Variants in SLC39A10 observed in about 807,000 individuals in gnomAD.
SLC39A10 encodes the protein solute carrier family 39 member 10.
In SLC39A10, 13 loss-of-function variants were observed where a neutral mutation model predicts 65.1. That is an observed-to-expected ratio of 0.20 (90% CI 0.13 to 0.32). SLC39A10 has a LOEUF of 0.32. SLC39A10 is among the 10% of genes least tolerant of loss of function. The pLI, the probability that SLC39A10 is intolerant of heterozygous loss-of-function variation, is 1.00. For missense variants in SLC39A10, 831 were observed against 1,018.4 expected (o/e 0.82, Z 2.50); for synonymous variants, 321 against 342.2 (o/e 0.94, Z 0.68).
intron 2 of SLC39A10, among the ~76,000 whole-genome samples, chr2:195,682,681 A>T (rs10931706): frequency 6.6e-6 from 1 of 151,594 alleles, no homozygotes; most frequent in Non-Finnish European, 1.5e-5. Context: ...TTTGTATCAC[A>T]TCCGTGAGGT....
chr2:195,653,240 C>G (rs1024281500), upstream of SLC39A10, among the ~76,000 whole-genome samples: 1 of 151,740 alleles, frequency 6.6e-6, no homozygotes, highest in East Asian at 1.9e-4. Context: ...CAAAAAGTCT[C>G]TTTCATCAGT....
rs534625422 is a variant in SLC39A10 at position 195,671,043 on chromosome 2, C to CA, written c.-11-8988dup. Reference sequence around the variant, plus strand: ...CCAGCACCCAGGTAAGGAAATAGGACATTAATAGGAACCCAGAATTCCTCT... The same window carrying CA: ...CCAGCACCCAGGTAAGGAAATAGGACAATTAATAGGAACCCAGAATTCCTCT... On this transcript the variant is annotated intron_variant, in intron 1 of 9. Coordinates refer to ENST00000359634, the MANE Select transcript of SLC39A10 (RefSeq NM_020342.3). Among the ~76,000 whole-genome samples the CA allele has an allele frequency of 3.4e-3, 513 of 152,272 alleles. 2 individuals are homozygous for CA. Among genetic ancestry groups the CA allele is most frequent in the Non-Finnish European group, 4.8e-3 (328 of 68,020 alleles).
At chr2:195,675,255 C>T (rs1360854526) in intron 1 of SLC39A10, among the ~76,000 whole-genome samples, 2 of 152,054 alleles carry the variant, frequency 1.3e-5, no homozygotes, top group Non-Finnish European at 2.9e-5. Flanking sequence ...TATGATTATG[C>T]AAGGTTATCT....
chr2:195,632,537 A>G (rs922121496), intron 2 of SLC39A10, among the ~76,000 whole-genome samples: 8 of 151,376 alleles, frequency 5.3e-5, no homozygotes, highest in African/African-American at 1.9e-4. Flanking sequence ...CAAACTCCTG[A>G]CCTAAGGTGA....
At chr2:195,635,983 C>T (rs1688689597) in intron 2 of SLC39A10, among the ~76,000 whole-genome samples, 1 of 152,040 alleles carries the variant, frequency 6.6e-6, no homozygotes. Context: ...TTAAAAGATC[C>T]ATTCAAAATG....
intron 1 of SLC39A10, among the ~76,000 whole-genome samples, chr2:195,678,515 A>G (rs898982997): frequency 2.0e-5 from 3 of 148,934 alleles, no homozygotes; most frequent in African/African-American, 7.3e-5. Flanking sequence ...TTTTGAGTAT[A>G]CATTGTGGTA....
At chr2:195,626,100 G>C (rs1426696761) in intron 2 of SLC39A10, among the ~76,000 whole-genome samples, 1 of 152,132 alleles carries the variant, frequency 6.6e-6, no homozygotes, top group Non-Finnish European at 1.5e-5. Flanking sequence ...ATTTTTACAA[G>C]CAAAGAGAAG....
At chr2:195,667,340 C>T (rs544112107) in intron 1 of SLC39A10, among the ~76,000 whole-genome samples, 1 of 152,150 alleles carries the variant, frequency 6.6e-6, no homozygotes, top group African/African-American at 2.4e-5. Context: ...TTTGTGGTCC[C>T]TGCTGAGAAC....
At chr2:195,697,852 A>G (rs1691027811) in intron 3 of SLC39A10, among the ~76,000 whole-genome samples, 1 of 152,198 alleles carries the variant, frequency 6.6e-6, no homozygotes, top group Non-Finnish European at 1.5e-5. Context: ...AGAGAAATGC[A>G]AATCAAAACC....
At chr2:195,717,048 T>C in intron 7 of SLC39A10, 43 bp downstream of exon 7, 1 of 1,563,374 alleles carries the variant, frequency 6.4e-7, no homozygotes, top group South Asian at 1.2e-5. Context: ...TCTTATGGAC[T>C]ATAATATGTA....
At chr2:195,683,533 T>A (rs1690411442) in intron 2 of SLC39A10, among the ~76,000 whole-genome samples, 166 bp from the exon 3 acceptor site, 1 of 152,098 alleles carries the variant, frequency 6.6e-6, no homozygotes, top group Admixed American at 6.5e-5. Flanking sequence ...GTTGAGTGTA[T>A]CCCTATTACA....
Position 195,645,071 on chromosome 2 carries a change from G to A in SLC39A10, c.-11-34961G>A, listed in dbSNP as rs530687535. ...ATTACAGGCATGTGCCACCACGCCC[G>A]GCTAATTTTGTATTTTTAGTAGAGA... On this transcript the variant is annotated intron_variant, in intron 2 of 2. Transcript: ENST00000458054. Among the ~76,000 whole-genome samples the A allele has an allele frequency of 1.3e-4, 19 of 151,930 alleles. No homozygotes were observed. The South Asian group carries it at 2.1e-3, about 17-fold the overall frequency.
intron 2 of SLC39A10, among the ~76,000 whole-genome samples, chr2:195,648,950 A>G (rs1306604681): frequency 6.6e-6 from 1 of 152,212 alleles, no homozygotes. Flanking sequence ...ATAAATGCTT[A>G]GAGAAAGCAA....
At chr2:195,617,991 G>A (rs1475889360) in intron 2 of SLC39A10, among the ~76,000 whole-genome samples, 49 of 150,554 alleles carry the variant, frequency 3.3e-4, no homozygotes, top group African/African-American at 1.2e-3. Context: ...CGCCCACCTT[G>A]GCCTCCCAAA....
rs531565147 is a variant in SLC39A10, at chr2:195,621,364, A to G, written c.-12+15131A>G. ...AAAGTACATGTTGAAAAATCAGCTGAATGTCCTTAAGTGCATATTTAGAAT... is the reference window on the plus strand; with the variant it reads ...AAAGTACATGTTGAAAAATCAGCTGGATGTCCTTAAGTGCATATTTAGAAT... On this transcript the variant is annotated intron_variant, in intron 2 of 2. Transcript: ENST00000458054. Among the ~76,000 whole-genome samples, 22 of 152,350 alleles carry G rather than the reference A, an allele frequency of 1.4e-4. No homozygotes were observed. In the East Asian group the frequency reaches 4.2e-3, roughly 29 times the overall value.
chr2:195,620,387 A>T (rs936882579), intron 2 of SLC39A10, among the ~76,000 whole-genome samples: 2 of 152,234 alleles, frequency 1.3e-5, no homozygotes, highest in East Asian at 1.9e-4. Context: ...AAATGAAGGC[A>T]TTGTAGAAAT....
At chr2:195,644,236 C>G (rs1688864994) in intron 2 of SLC39A10, among the ~76,000 whole-genome samples, 1 of 151,470 alleles carries the variant, frequency 6.6e-6, no homozygotes. Flanking sequence ...GTGGCTCACG[C>G]CTGTGATCCC....
rs182733714 is a variant in SLC39A10, at chr2:195,631,760, T to C, written c.-12+25527T>C. ...TTTTCAGTAAATGCACAACTACTACTATATGTACCATCACTTATTATCTTT... is the reference window on the plus strand; with the variant it reads ...TTTTCAGTAAATGCACAACTACTACCATATGTACCATCACTTATTATCTTT... On this transcript the variant is annotated intron_variant, in intron 2 of 2. Transcript: ENST00000458054. 2.3e-4 allele frequency among the ~76,000 whole-genome samples: 35 copies of C among 152,336 alleles called. No homozygotes were observed. The East Asian group carries it at 6.0e-3, about 26-fold the overall frequency.
rs1198813338 is a variant in SLC39A10 at position 195,735,635 on chromosome 2, G to A, written c.*594G>A. 6.6e-6 allele frequency: 1 copy of A among 152,456 alleles called. No homozygotes were observed. The highest frequency in any genetic ancestry group is 2.4e-5 in the African/African-American group (1 of 41,384). 9.4% of individuals were successfully genotyped at this position (152,456 alleles called of 1,614,324 possible). On this transcript the variant is annotated 3_prime_UTR_variant, in exon 10 of 10. Coordinates refer to ENST00000359634, the MANE Select transcript of SLC39A10 (RefSeq NM_020342.3). ...TCTTGAATCTAGAGTTACTATTTTT[G>A]TATATATTTGCATAGTGTTTAAACC...
Sources: allele counts gnomAD v4.1 joint callset (sites outside exome capture counted in the v4.1 genomes callset), GRCh38; gene constraint gnomAD v4.1.1; transcripts MANE v1.5; gene names NCBI Gene and HGNC (gene_info 2026-07-23, HGNC 2026-07-21).